The following DOCK2 variants were observed in gnomAD, a reference collection of about 807,000 sequenced individuals.
DOCK2 encodes the protein dedicator of cytokinesis 2.
In DOCK2, 87 loss-of-function variants were observed where a neutral mutation model predicts 248.9. The ratio of observed to expected loss-of-function variants is 0.35; its 90% confidence interval spans 0.29 to 0.42. The LOEUF is 0.42. DOCK2 is among the 10% of genes least tolerant of loss of function. The pLI, the probability that DOCK2 is intolerant of heterozygous loss-of-function variation, is 1.00. For missense variants in DOCK2, 1,747 were observed against 2,300.2 expected (o/e 0.76, Z 4.92); for synonymous variants, 805 against 821.6 (o/e 0.98, Z 0.35).
At chr5:169,815,222 G>A (rs1028981087) in intron 26 of DOCK2, among the ~76,000 whole-genome samples, 9 of 152,154 alleles carry the variant, frequency 5.9e-5, no homozygotes, top group Non-Finnish European at 1.0e-4. Flanking sequence ...GCTTAGGGAT[G>A]GTCTTTGGGT....
chr5:169,806,500 C>G (rs571515788), intron 26 of DOCK2, among the ~76,000 whole-genome samples: 1 of 151,946 alleles, frequency 6.6e-6, no homozygotes, highest in African/African-American at 2.4e-5. Context: ...GGTGGGTCCC[C>G]GGTGAAACCC....
intron 27 of DOCK2, among the ~76,000 whole-genome samples, chr5:169,958,064 T>G (rs921088374): frequency 6.6e-6 from 1 of 152,136 alleles, no homozygotes; most frequent in Non-Finnish European, 1.5e-5. Flanking sequence ...AGGGGATACG[T>G]TCCCTGTGTG....
At chr5:169,692,520 G>A (rs1293850304) in intron 9 of DOCK2, among the ~76,000 whole-genome samples, 1 of 151,726 alleles carries the variant, frequency 6.6e-6, no homozygotes, top group African/African-American at 2.4e-5. Flanking sequence ...GGAGGTGTGT[G>A]TGTGGGGGTG....
At chr5:169,879,400 T>C (rs774182877) in intron 27 of DOCK2, among the ~76,000 whole-genome samples, 25 of 152,226 alleles carry the variant, frequency 1.6e-4, no homozygotes, top group Non-Finnish European at 3.4e-4. Flanking sequence ...CTTCCCACTG[T>C]TACTACGATG....
intron 27 of DOCK2, among the ~76,000 whole-genome samples, chr5:169,873,689 G>C (rs1772125509): frequency 6.6e-6 from 1 of 152,206 alleles, no homozygotes; most frequent in Non-Finnish European, 1.5e-5. Flanking sequence ...CCATAGGACT[G>C]AGTGCATATT....
rs1437553713 is a variant in DOCK2, at chr5:169,764,531, C to T, written c.2554+2906C>T. On this transcript the variant is annotated intron_variant, in intron 25 of 51. Transcript: ENST00000520908. This position sits in a 1 kb window ranked among gnomAD's most constrained non-coding sequence, Gnocchi z 4.3. ...TGGAAAGTGGGAATAAGAACAATAA[C>T]GTCTGTCTTAGAGGGTGATAGTGTG... Among the ~76,000 whole-genome samples the T allele has an allele frequency of 2.0e-5, 3 of 152,162 alleles. No homozygotes were observed. The highest frequency in any genetic ancestry group is 4.4e-5 in the Non-Finnish European group (3 of 68,024).
intron 6 of DOCK2, among the ~76,000 whole-genome samples, chr5:169,681,334 G>C (rs1415337092): frequency 6.6e-6 from 1 of 151,530 alleles, no homozygotes; most frequent in East Asian, 1.9e-4. Flanking sequence ...ATCTTGGCCA[G>C]GCTAGTCTTG....
At chr5:169,841,364 G>T (rs1769962454) in intron 27 of DOCK2, 1 of 987,126 alleles carries the variant, frequency 1.0e-6, no homozygotes. Flanking sequence ...GGAAATTTCT[G>T]CCCCGTCATC....
chr5:170,023,348 A>G (rs1437107981), intron 33 of DOCK2, among the ~76,000 whole-genome samples: 3 of 152,240 alleles, frequency 2.0e-5, no homozygotes, highest in Admixed American at 6.5e-5. Flanking sequence ...CTGAGACTGC[A>G]TCTTGGCGTG....
intron 1 of DOCK2, among the ~76,000 whole-genome samples, chr5:169,653,185 A>T (rs80070649): frequency 6.6e-6 from 1 of 152,242 alleles, no homozygotes; most frequent in East Asian, 1.9e-4. Flanking sequence ...TGTCTGGGAT[A>T]TAAGTGATTG....
chr5:169,690,863 A>G (rs2113406794), intron 9 of DOCK2, among the ~76,000 whole-genome samples: 1 of 152,322 alleles, frequency 6.6e-6, no homozygotes, highest in South Asian at 2.1e-4. Context: ...GCTCCTCAGA[A>G]CAAGTGGAGT....
intron 22 of DOCK2, among the ~76,000 whole-genome samples, chr5:169,741,759 T>C (rs2113667649): frequency 6.6e-6 from 1 of 150,976 alleles, no homozygotes; most frequent in South Asian, 2.1e-4. Context: ...GTTCCTGGGG[T>C]CATAAATTAT....
intron 26 of DOCK2, among the ~76,000 whole-genome samples, chr5:169,834,808 G>C (rs1581259353): frequency 6.6e-6 from 1 of 152,320 alleles, no homozygotes; most frequent in African/African-American, 2.4e-5. Flanking sequence ...ATAGCCCCAA[G>C]GATTAAAGAG....
At chr5:169,646,627 T>G (rs1287840744) in intron 1 of DOCK2, among the ~76,000 whole-genome samples, 1 of 152,210 alleles carries the variant, frequency 6.6e-6, no homozygotes, top group Non-Finnish European at 1.5e-5. Flanking sequence ...TCAGAGAAAC[T>G]AATCATTATT....
intron 27 of DOCK2, among the ~76,000 whole-genome samples, chr5:169,913,010 G>T (rs1002725051): frequency 1.3e-5 from 2 of 152,106 alleles, no homozygotes; most frequent in South Asian, 2.1e-4. Context: ...GTAGTAAATT[G>T]TTCCTCAATT....
intron 27 of DOCK2, chr5:169,934,943 A>T: frequency 3.1e-6 from 1 of 323,142 alleles, no homozygotes; most frequent in Non-Finnish European, 6.1e-6. Context: ...ATAGAAAGTG[A>T]TTGTGCTATG....
chr5:169,810,140 A>G (rs1446569757), intron 26 of DOCK2, among the ~76,000 whole-genome samples: 1 of 152,020 alleles, frequency 6.6e-6, no homozygotes, highest in African/African-American at 2.4e-5. Context: ...GTCTCGCTCC[A>G]ATTAATGGCA....
rs910180259 is a variant in DOCK2 at position 169,702,187 on chromosome 5, A to C, written c.1259-116A>C. On this transcript the variant is annotated intron_variant, in intron 13 of 51. Transcript: ENST00000520908. ...GCTTTCTCTAAGCAATTCTGATTTT[A>C]ATTAATACCAATCCAGGTGGGAGAG... The C allele has an allele frequency of 5.3e-6, 7 of 1,314,408 alleles. No individual in the cohort carries two copies. The African/African-American group carries it at 8.9e-5, about 17-fold the overall frequency. 81.4% of individuals were successfully genotyped at this position (1,314,408 alleles called of 1,614,324 possible).
At chr5:169,679,894 C>A (rs1581022291) in intron 6 of DOCK2, among the ~76,000 whole-genome samples, 1 of 152,118 alleles carries the variant, frequency 6.6e-6, no homozygotes, top group African/African-American at 2.4e-5. Context: ...TCCTTGCTAC[C>A]CTTCCAGAAT....
Sources: gnomAD v4.1 joint callset for allele counts (sites outside exome capture counted in the v4.1 genomes callset) on GRCh38, gnomAD v4.1.1 for gene constraint, Gnocchi (gnomAD v3.1) non-coding constraint, MANE v1.5 for transcripts, NCBI Gene and HGNC (gene_info 2026-07-23, HGNC 2026-07-21) for gene names.